ALK: variants seen among roughly 807,000 people sequenced by gnomAD.
The protein encoded by ALK is ALK receptor tyrosine kinase, also known as ALK tyrosine kinase receptor.
A neutral mutation model predicts 163.1 loss-of-function variants in ALK; 74 were observed. The ratio of observed to expected loss-of-function variants is 0.45; its 90% CI spans 0.38 to 0.55. The LOEUF (loss-of-function observed/expected upper bound fraction) is 0.55. ALK is among the 20% of genes least tolerant of loss of function. The pLI is 0.00. For missense variants in ALK, 2,063 were observed against 2,105.3 expected, an observed-to-expected ratio of 0.98 and a Z score of 0.39; for synonymous variants, 960 against 843.2, an observed-to-expected ratio of 1.14 and a Z score of -2.40.
chr2:29,445,611 AGGAGTT>A (rs1242844907), intron 4 of ALK, among the ~76,000 whole-genome samples: 3,118 of 152,082 alleles, frequency 0.021, 90 homozygotes, highest in African/African-American at 0.07. Flanking sequence ...ACCTGAGATC[AGGAGTT>A]TGAGACCAGC....
chr2:29,761,254 A>G (rs1010167332), intron 1 of ALK, among the ~76,000 whole-genome samples: 80 of 152,326 alleles, frequency 5.3e-4, no homozygotes, highest in Middle Eastern at 3.4e-3. Flanking sequence ...GGGACGTAGT[A>G]AAGTAGATAG....
In ALK at chr2:29,792,661, CTGCAATAAAGCAAGTAT is replaced by C. The variant is rs758722262; in HGVS notation, c.668-74981_668-74965del. ...ATATTGAGGGTTTATTTCCAGACCA[CTGCAATAAAGCAAGTAT>C]TGCAATAAAGCAAGTATTGCAATAA... On this transcript the variant is annotated intron_variant, in intron 1 of 28. Transcript: ENST00000389048. Among the ~76,000 whole-genome samples the C allele has an allele frequency of 9.0e-3, 1,374 of 152,030 alleles. 15 individuals are homozygous for C. The highest frequency in any genetic ancestry group is 0.031 in the African/African-American group (1,265 of 41,314).
intron 1 of ALK, among the ~76,000 whole-genome samples, chr2:29,824,836 T>G (rs1665152658): frequency 6.6e-6 from 1 of 151,720 alleles, no homozygotes; most frequent in Non-Finnish European, 1.5e-5. Flanking sequence ...ATTAAGATTT[T>G]GGGGGATGGT....
At chr2:29,297,096 G>C (rs370588729) in intron 8 of ALK, 39 bp from the exon 9 acceptor site, 1 of 1,613,054 alleles carries the variant, frequency 6.2e-7, no homozygotes, top group South Asian at 1.1e-5. Flanking sequence ...AGGTATGATT[G>C]CTGAAAGGTC....
intron 1 of ALK, among the ~76,000 whole-genome samples, chr2:29,780,458 C>A (rs991983534): frequency 2.0e-5 from 3 of 152,208 alleles, no homozygotes; most frequent in Non-Finnish European, 4.4e-5. Flanking sequence ...TAGAACTGAG[C>A]ATGGAACAAA....
intron 1 of ALK, among the ~76,000 whole-genome samples, chr2:29,826,045 C>T (rs1665187294): frequency 6.6e-6 from 1 of 152,072 alleles, no homozygotes; most frequent in South Asian, 2.1e-4. Flanking sequence ...GTTTTCCCTA[C>T]ACAACTGCTC....
chr2:29,233,747 C>T, intron 13 of ALK, 51 bp from the exon 14 acceptor site: 1 of 1,613,012 alleles, frequency 6.2e-7, no homozygotes, highest in Non-Finnish European at 8.5e-7. Context: ...GAGTTCTCCA[C>T]TTTGCAGCAG....
At chr2:29,860,464 T>C (rs1666251862) in intron 1 of ALK, among the ~76,000 whole-genome samples, 1 of 150,914 alleles carries the variant, frequency 6.6e-6, no homozygotes, top group South Asian at 2.1e-4. Context: ...TCAAGATTTC[T>C]TGGATTACAC....
At chr2:29,668,768 A>C (rs749118550) in intron 3 of ALK, among the ~76,000 whole-genome samples, 2 of 152,086 alleles carry the variant, frequency 1.3e-5, no homozygotes, top group Non-Finnish European at 2.9e-5. Flanking sequence ...AAACTGGGTA[A>C]TTTATAAAGA....
chr2:29,330,241 A>G (rs563353354), intron 5 of ALK, among the ~76,000 whole-genome samples: 8 of 152,252 alleles, frequency 5.3e-5, no homozygotes, highest in African/African-American at 1.9e-4. Flanking sequence ...GCCTCTGCTC[A>G]TGGACTCTGT....
At chr2:29,548,297 C>CTG (rs1281994720) in intron 3 of ALK, among the ~76,000 whole-genome samples, 3 of 152,090 alleles carry the variant, frequency 2.0e-5, no homozygotes, top group Non-Finnish European at 4.4e-5. Flanking sequence ...CACGGTGAAA[C>CTG]CCTGTCTCTA....
intron 9 of ALK, among the ~76,000 whole-genome samples, chr2:29,277,319 C>G (rs181673821): frequency 6.6e-6 from 1 of 152,216 alleles, no homozygotes; most frequent in Non-Finnish European, 1.5e-5. Context: ...CTCTGATCAA[C>G]GTGTAGAAGA....
At chr2:29,793,172 A>G (rs1289463990) in intron 1 of ALK, among the ~76,000 whole-genome samples, 1 of 152,180 alleles carries the variant, frequency 6.6e-6, no homozygotes, top group Non-Finnish European at 1.5e-5. Context: ...AGTAGATTCC[A>G]TCTCAAAACA....
chr2:29,309,525 C>T (rs17716734), intron 8 of ALK, among the ~76,000 whole-genome samples: 21,995 of 152,196 alleles, frequency 0.14, 1,763 homozygotes, highest in Non-Finnish European at 0.18. Flanking sequence ...TTACTGCAGG[C>T]ATTAGCAAGT....
chr2:29,794,509 T>A (rs1413520749), intron 1 of ALK, among the ~76,000 whole-genome samples: 3 of 152,330 alleles, frequency 2.0e-5, no homozygotes, highest in Middle Eastern at 3.4e-3. Flanking sequence ...TGTCTCAGCT[T>A]TTGACATGCC....
At chr2:29,345,622 G>A (rs1667927161) in intron 5 of ALK, among the ~76,000 whole-genome samples, 1 of 151,716 alleles carries the variant, frequency 6.6e-6, no homozygotes, top group African/African-American at 2.4e-5. Flanking sequence ...TCCACTTTTA[G>A]GAAACTTCCT....
rs193025793 is a variant in ALK at position 29,905,372 on chromosome 2, C to A, written c.667+14621G>T. On this transcript the variant is annotated intron_variant, in intron 1 of 28. Transcript: ENST00000389048. ...AGCACATAAATAATCTCTGGTTATC[C>A]AGGCTGTCATTTTAAGCTATTTGAC... Among the ~76,000 whole-genome samples the A allele has an allele frequency of 4.3e-3, 657 of 152,262 alleles. 5 individuals are homozygous for A. Among genetic ancestry groups the A allele is most frequent in the African/African-American group, 0.015 (624 of 41,536 alleles).
intron 1 of ALK, among the ~76,000 whole-genome samples, chr2:29,853,760 C>G (rs1029444450): frequency 2.0e-5 from 3 of 152,034 alleles, no homozygotes; most frequent in African/African-American, 7.3e-5. Context: ...GCTCCCCAGC[C>G]TCCCATACCT....
At chr2:29,582,025 C>T (rs1380495616) in intron 3 of ALK, among the ~76,000 whole-genome samples, 1 of 152,214 alleles carries the variant, frequency 6.6e-6, no homozygotes, top group Non-Finnish European at 1.5e-5. Context: ...AGCATTCATT[C>T]AACAAGCATT....
Sources: allele counts gnomAD v4.1 joint callset (sites outside exome capture counted in the v4.1 genomes callset), GRCh38; gene constraint gnomAD v4.1.1; transcripts MANE v1.5; gene names NCBI Gene and HGNC (gene_info 2026-07-23, HGNC 2026-07-21).